ERICH1: variants seen among roughly 807,000 people sequenced by gnomAD.
ERICH1 encodes the protein glutamate rich 1.
A neutral mutation model predicts 39.6 loss-of-function variants in ERICH1; 56 were observed. The observed-to-expected ratio is 1.41, with a 90% CI of 1.14 to 1.77. The LOEUF is 1.77. Ranked by LOEUF, ERICH1 falls within the 40% of genes most tolerant of loss-of-function variation. The probability of loss-of-function intolerance (pLI) is 0.00; values close to 1 mark genes in which losing one functional copy is unlikely to be tolerated. For synonymous variants in ERICH1, 313 were observed against 223.6 expected (o/e 1.40, Z -3.57); for missense variants, 826 against 575.4 (o/e 1.44, Z -4.45).
Position 682,908 on chromosome 8 carries a change from T to C in ERICH1, c.305-8861A>G, listed in dbSNP as rs139034280. Among the ~76,000 whole-genome samples the C allele has an allele frequency of 4.7e-3, 719 of 152,332 alleles. 8 individuals carry two copies. The highest frequency in any genetic ancestry group is 0.026 in the East Asian group (133 of 5,188). On this transcript the variant is annotated intron_variant, in intron 3 of 5. Coordinates refer to ENST00000262109, the MANE Select transcript of ERICH1 (RefSeq NM_207332.3). ...CTGATAATTACCCTCAAGCTACCAATGTCCTCTAGGTGCTAAATAAAAAGT... is the reference window on the plus strand; with the variant it reads ...CTGATAATTACCCTCAAGCTACCAACGTCCTCTAGGTGCTAAATAAAAAGT...
intron 3 of ERICH1, among the ~76,000 whole-genome samples, chr8:638,881 A>G (rs58337462): frequency 0.47 from 71,521 of 151,792 alleles, 16,939 homozygotes; most frequent in Admixed American, 0.54. Flanking sequence ...TGCTCAGTGG[A>G]CGCTGCCTCC....
At chr8:724,616 G>A (rs1435320212) in intron 1 of ERICH1, among the ~76,000 whole-genome samples, 1 of 152,166 alleles carries the variant, frequency 6.6e-6, no homozygotes, top group Non-Finnish European at 1.5e-5. Context: ...GAGGTCATTG[G>A]GAAGGCCGTT....
chr8:719,239 C>G (rs1445587201), intron 1 of ERICH1, among the ~76,000 whole-genome samples: 1 of 152,234 alleles, frequency 6.6e-6, no homozygotes, highest in East Asian at 1.9e-4. Flanking sequence ...GAGCCGTCAT[C>G]CAACAGCGGG....
chr8:669,920 CTG>C (rs1344997429), intron 4 of ERICH1, among the ~76,000 whole-genome samples: 4 of 152,216 alleles, frequency 2.6e-5, no homozygotes, highest in Admixed American at 1.3e-4. Context: ...ACCTGTGACT[CTG>C]TGTCCTGTAA....
At position 710,104 on chromosome 8, in the gene ERICH1, A is replaced by T. The variant is rs190000433; in HGVS notation, c.169+5757T>A. 4.3e-3 allele frequency among the ~76,000 whole-genome samples: 649 copies of T among 152,254 alleles called. 2 individuals carry two copies. The highest frequency in any genetic ancestry group is 7.1e-3 in the Non-Finnish European group (481 of 68,022). On this transcript the variant is annotated intron_variant, in intron 2 of 5. Transcript: ENST00000262109. ...CACCGTCAGAGCCGTACATTCTTAT[A>T]ATCAATAAACCTACGCTGACACACG...
At chr8:729,814 GT>G (rs34599238) in intron 1 of ERICH1, among the ~76,000 whole-genome samples, 45,138 of 150,140 alleles carry the variant, frequency 0.3, 6,908 homozygotes, top group Non-Finnish European at 0.33. Flanking sequence ...ATGGAGAAAG[GT>G]TTTTTTTTTA....
intron 3 of ERICH1, among the ~76,000 whole-genome samples, chr8:676,603 G>C (rs1006629105): frequency 6.6e-6 from 1 of 152,156 alleles, no homozygotes; most frequent in Non-Finnish European, 1.5e-5. Context: ...GGCGCCATGC[G>C]GGGGGAACAG....
rs746129643 is a variant in ERICH1 at position 673,709 on chromosome 8, C to T, written c.643G>A (p.Glu215Lys). 5.9e-5 allele frequency: 95 copies of T among 1,614,040 alleles called. No individual in the cohort carries two copies. The highest frequency in any genetic ancestry group is 1.1e-4 in the East Asian group (5 of 44,900). Reference sequence around the variant, plus strand: ...TCCCCGGCCAGTGTCGGGTCTTCCTCGCTGGTGTCCACACCATCCTCCTCA... The same window carrying T: ...TCCCCGGCCAGTGTCGGGTCTTCCTTGCTGGTGTCCACACCATCCTCCTCA... ...ACEEDGVDTS[E>K]EDPTLAGEED... is the part of the protein sequence containing the mutation. The change falls in exon 4 of 6, where the codon GAG (glutamate) becomes AAG (lysine). Residue 215 changes from glutamate (E) to lysine (K), a missense_variant. By Grantham distance (56) the Glu-to-Lys change is moderately conservative (BLOSUM62 1). Coordinates refer to ENST00000262109, the MANE Select transcript of ERICH1 (RefSeq NM_207332.3).
chr8:630,104 C>T (rs1387496853), intron 3 of ERICH1, among the ~76,000 whole-genome samples: 1 of 138,700 alleles, frequency 7.2e-6, no homozygotes, highest in Non-Finnish European at 1.6e-5. Context: ...AGCTGACTCA[C>T]ACCCTCCCGT....
At chr8:685,984 A>G (rs1162030696) in intron 3 of ERICH1, among the ~76,000 whole-genome samples, 1 of 87,238 alleles carries the variant, frequency 1.1e-5, no homozygotes, top group Non-Finnish European at 2.3e-5. Context: ...GTCTCTACTA[A>G]AAAATACCAA....
At chr8:630,013 C>G (rs1479927988) in intron 3 of ERICH1, among the ~76,000 whole-genome samples, 1 of 135,294 alleles carries the variant, frequency 7.4e-6, no homozygotes, top group African/African-American at 2.9e-5. Context: ...CCCACACAGA[C>G]AAAGCTGACT....
At chr8:624,674 G>A (rs1401173109) in intron 3 of ERICH1, among the ~76,000 whole-genome samples, 1 of 152,066 alleles carries the variant, frequency 6.6e-6, no homozygotes, top group African/African-American at 2.4e-5. Context: ...GCAGGAGGAA[G>A]AGAGTAAAGG....
intron 2 of ERICH1, among the ~76,000 whole-genome samples, chr8:700,145 GCGCACAGA>G: frequency 2.3e-5 from 3 of 128,654 alleles, no homozygotes; most frequent in Admixed American, 8.0e-5. Flanking sequence ...ACCCGCACAG[GCGCACAGA>G]CCCGCACACG....
chr8:657,789 C>A (rs995734755), intron 3 of ERICH1, among the ~76,000 whole-genome samples: 4 of 151,808 alleles, frequency 2.6e-5, no homozygotes, highest in Non-Finnish European at 5.9e-5. Context: ...GAATTCCTTG[C>A]GATAATGAGA....
chr8:616,108 AC>A (rs1796886902), intron 3 of ERICH1: 2 of 168,358 alleles, frequency 1.2e-5, no homozygotes, highest in Admixed American at 1.2e-4. Flanking sequence ...CGTTAAAAAC[AC>A]CCTGTACTTC....
At chr8:659,030 G>A (rs1263496578) in intron 3 of ERICH1, among the ~76,000 whole-genome samples, 2 of 112,350 alleles carry the variant, frequency 1.8e-5, no homozygotes, top group Admixed American at 9.4e-5. Flanking sequence ...GGTGACCATC[G>A]AGATCTCCGG....
intron 3 of ERICH1, among the ~76,000 whole-genome samples, chr8:658,663 G>A (rs967616280): frequency 6.6e-6 from 1 of 152,134 alleles, no homozygotes. Context: ...CATCAGGGCG[G>A]TCCTGACCCA....
rs187399455 is a variant in ERICH1, at chr8:644,557, G to A, written c.976+24041C>T. Among the ~76,000 whole-genome samples the A allele has an allele frequency of 1.7e-4, 12 of 68,838 alleles. 4 individuals carry two copies. The East Asian group carries it at 2.1e-3, about 12-fold the overall frequency. 45.2% of individuals were successfully genotyped at this position (68,838 alleles called of 152,430 possible). On this transcript the variant is annotated intron_variant, in intron 3 of 3. Coordinates refer to the ERICH1 transcript ENST00000522706. ...TTTTCATTTTGTTTCTAATGAGAAC[G>A]TAATGTGATACAAGGCTAACCTCAA... is the stretch of plus-strand genomic sequence containing the variant.
intron 3 of ERICH1, chr8:616,451 C>A (rs1312015812): frequency 4.5e-6 from 2 of 448,692 alleles, no homozygotes; most frequent in South Asian, 1.6e-5. Context: ...CCTGGCTAAG[C>A]GGATTCAGCG....
Sources: allele counts gnomAD v4.1 joint callset (sites outside exome capture counted in the v4.1 genomes callset), GRCh38; gene constraint gnomAD v4.1.1; transcripts MANE v1.5; gene names NCBI Gene and HGNC (gene_info 2026-07-23, HGNC 2026-07-21).